The following SLC6A15 variants were observed in gnomAD, a reference collection of about 807,000 sequenced individuals.
SLC6A15 encodes the protein sodium-dependent neutral amino acid transporter B(0)AT2.
Under a neutral mutation model 68.5 loss-of-function variants are expected in SLC6A15, and 33 were observed. The ratio of observed to expected loss-of-function variants is 0.48; its 90% CI spans 0.37 to 0.64. The LOEUF is 0.64. Among genes scored for constraint, SLC6A15 ranks in the 30% least tolerant of loss-of-function variants. SLC6A15 has a pLI of 0.00. For synonymous variants in SLC6A15, 347 were observed against 301.0 expected (o/e 1.15, Z -1.58); for missense variants, 747 against 874.3 (o/e 0.85, Z 1.84).
chr12:84,863,204 A>G (rs1870923150), intron 11 of SLC6A15, among the ~76,000 whole-genome samples: 2 of 152,208 alleles, frequency 1.3e-5, no homozygotes, highest in Admixed American at 6.5e-5. Flanking sequence ...AGATGGATAT[A>G]TCTGCTTTAA....
intron 5 of SLC6A15, chr12:84,881,854 T>A: frequency 1.0e-6 from 1 of 985,248 alleles, no homozygotes; most frequent in South Asian, 4.7e-5. Flanking sequence ...ATTGAGGAAT[T>A]GTGACAATTT....
chr12:84,910,054 C>A (rs1873362005), intron 1 of SLC6A15, among the ~76,000 whole-genome samples: 1 of 152,098 alleles, frequency 6.6e-6, no homozygotes. Context: ...TCTCTCATAA[C>A]TGTTATCCAG....
At chr12:84,894,876 TATAA>T (rs1472854896) in intron 1 of SLC6A15, among the ~76,000 whole-genome samples, 3 of 152,146 alleles carry the variant, frequency 2.0e-5, no homozygotes, top group African/African-American at 4.8e-5. Context: ...ACACTTTGAA[TATAA>T]ATAAATATAT....
At chr12:84,883,122 G>C (rs61020514) in intron 5 of SLC6A15, 4 of 981,408 alleles carry the variant, frequency 4.1e-6, no homozygotes, top group East Asian at 1.1e-4. Context: ...AAGAGATGTG[G>C]AGAGCTTTAG....
chr12:84,882,264 A>G, intron 5 of SLC6A15: 1 of 985,372 alleles, frequency 1.0e-6, no homozygotes, highest in Non-Finnish European at 1.2e-6. Flanking sequence ...GTCTTATTTA[A>G]GAATCCACTC....
At chr12:84,872,982 TA>T in intron 7 of SLC6A15, 104 bp downstream of exon 7, 2 of 1,374,444 alleles carry the variant, frequency 1.5e-6, no homozygotes, top group South Asian at 1.5e-5. Context: ...TGTGTCGAAC[TA>T]TCACATGTAT....
chr12:84,903,228 T>C lies in SLC6A15; in HGVS notation c.-189+9295A>G, dbSNP rs1014232738. ...ATCTTTCAAAATTCTTTTAGAGATTTCTGAAGTAGACAAAAAGTTTTTAAG... is the reference window on the plus strand; with the variant it reads ...ATCTTTCAAAATTCTTTTAGAGATTCCTGAAGTAGACAAAAAGTTTTTAAG... On this transcript the variant is annotated intron_variant, in intron 1 of 11. Coordinates refer to ENST00000266682, the MANE Select transcript of SLC6A15 (RefSeq NM_182767.6). Among the ~76,000 whole-genome samples, 3 of 152,166 alleles carry C rather than the reference T, an allele frequency of 2.0e-5. No individual in the cohort carries two copies. In the South Asian group the frequency reaches 6.2e-4, roughly 32 times the overall value.
chr12:84,883,982 T>G lies in SLC6A15; in HGVS notation c.633A>C (p.Ala211=). ...SATTYYWYRE[A]LNISSSISES... ...CAGAAATGGAACTTGAAATATTCAG[T>G]GCTTCCCTGTACCAGTAATAGGTGG... The change falls in exon 5 of 12, where the codon GCA becomes GCC. Residue 211 remains alanine (A), a synonymous_variant. Transcript: ENST00000266682. 6.2e-7 allele frequency: 1 copy of G among 1,614,218 alleles called. No homozygotes were observed. The highest frequency in any genetic ancestry group is 8.5e-7 in the Non-Finnish European group (1 of 1,180,034).
intron 1 of SLC6A15, among the ~76,000 whole-genome samples, chr12:84,902,986 C>T (rs1194695809): frequency 1.3e-5 from 2 of 151,968 alleles, no homozygotes; most frequent in African/African-American, 2.4e-5. Context: ...TAAACGTGGA[C>T]ATACTATGGA....
chr12:84,868,456 C>A (rs1871152309), intron 9 of SLC6A15, among the ~76,000 whole-genome samples: 1 of 152,168 alleles, frequency 6.6e-6, no homozygotes, highest in Non-Finnish European at 1.5e-5. Flanking sequence ...GCACCCAAAT[C>A]TGTCTGCCTC....
At chr12:84,880,050 A>T (rs962035791) in intron 5 of SLC6A15, among the ~76,000 whole-genome samples, 1 of 152,196 alleles carries the variant, frequency 6.6e-6, no homozygotes, top group African/African-American at 2.4e-5. Context: ...ATTCTTAAGG[A>T]CACTGATCTG....
At chr12:84,886,501 G>C (rs1006289609) in intron 2 of SLC6A15, among the ~76,000 whole-genome samples, 1 of 151,294 alleles carries the variant, frequency 6.6e-6, no homozygotes, top group South Asian at 2.1e-4. Context: ...AAAAATTAGA[G>C]TGAATGAGAT....
chr12:84,888,251 G>A (rs1872212643), intron 2 of SLC6A15, among the ~76,000 whole-genome samples: 1 of 73,732 alleles, frequency 1.4e-5, no homozygotes, highest in Admixed American at 1.3e-4. Context: ...GTGACAGAGT[G>A]AGACCTTGTC....
intron 6 of SLC6A15, among the ~76,000 whole-genome samples, chr12:84,874,018 C>G (rs959278723): frequency 6.6e-6 from 1 of 152,186 alleles, no homozygotes; most frequent in Non-Finnish European, 1.5e-5. Context: ...ATAATCAAAA[C>G]TTAAATGAAA....
In SLC6A15 at chr12:84,860,159, G is replaced by A. The variant is rs988388567; in HGVS notation, c.*1473C>T. ...TATTAACATCTATCTATAGCAGAGC[G>A]AGAATACTGGCTGAAATAAATCAAT... On this transcript the variant is annotated 3_prime_UTR_variant, in exon 12 of 12. Coordinates refer to ENST00000266682, the MANE Select transcript of SLC6A15 (RefSeq NM_182767.6). The A allele has an allele frequency of 2.6e-5, 4 of 151,984 alleles. No homozygotes were observed. Among genetic ancestry groups the A allele is most frequent in the Non-Finnish European group, 4.4e-5 (3 of 67,908 alleles). 9.4% of individuals were successfully genotyped at this position (151,984 alleles called of 1,614,324 possible).
intron 10 of SLC6A15, among the ~76,000 whole-genome samples, chr12:84,865,652 T>A (rs920566344): frequency 6.6e-6 from 1 of 152,222 alleles, no homozygotes; most frequent in Non-Finnish European, 1.5e-5. Flanking sequence ...TAACTGCTGA[T>A]GTTTTTACTG....
intron 6 of SLC6A15, 56 bp from the exon 7 acceptor site, chr12:84,873,384 A>AATTTTT: frequency 6.3e-7 from 1 of 1,575,138 alleles, no homozygotes; most frequent in Non-Finnish European, 8.6e-7. Context: ...CAGAATAATT[A>AATTTTT]ATTTTTATGG....
intron 1 of SLC6A15, among the ~76,000 whole-genome samples, chr12:84,896,028 A>C (rs968399759): frequency 6.6e-6 from 1 of 152,212 alleles, no homozygotes; most frequent in Non-Finnish European, 1.5e-5. Flanking sequence ...ATAAAGTATC[A>C]GTGCTCGATA....
At chr12:84,873,797 T>C (rs1174326808) in intron 6 of SLC6A15, among the ~76,000 whole-genome samples, 1 of 152,202 alleles carries the variant, frequency 6.6e-6, no homozygotes, top group Non-Finnish European at 1.5e-5. Context: ...CTTCGCAGAG[T>C]TGAACTATTT....
Sources: gnomAD v4.1 joint callset for allele counts (sites outside exome capture counted in the v4.1 genomes callset) on GRCh38, gnomAD v4.1.1 for gene constraint, MANE v1.5 for transcripts, NCBI Gene and HGNC (gene_info 2026-07-23, HGNC 2026-07-21) for gene names.